HOXA6: variants seen among roughly 807,000 people sequenced by gnomAD.
HOXA6 encodes the protein homeobox A6.
A neutral mutation model predicts 23.2 loss-of-function variants in HOXA6; 19 were observed. The observed-to-expected ratio is 0.82, with a 90% CI of 0.57 to 1.20. HOXA6 has a LOEUF of 1.20. Among genes scored for constraint, HOXA6 ranks in the 50% most tolerant of loss-of-function variants. HOXA6 has a pLI of 0.00. For missense variants in HOXA6, 346 were observed against 313.6 expected, an observed-to-expected ratio of 1.10 and a Z score of -0.78; for synonymous variants, 140 against 132.6, an observed-to-expected ratio of 1.06 and a Z score of -0.38.
rs778231475 is a variant in HOXA6 at position 27,145,935 on chromosome 7, C to T, written c.443-18G>A. ...CACAGCACCTACGAGCAGAAACGGC[C>T]GGGCGCCGGTAAGCCAGGGCCTGGA... On this transcript the variant is annotated intron_variant, in intron 1 of 1. Coordinates refer to ENST00000222728, the MANE Select transcript of HOXA6 (RefSeq NM_024014.4). The T allele has an allele frequency of 4.4e-6, 7 of 1,606,758 alleles. No homozygotes were observed. Among genetic ancestry groups the T allele is most frequent in the African/African-American group, 1.3e-5 (1 of 74,924 alleles).
rs1287321205 is a variant in HOXA6, at chr7:27,145,687, C to A, written c.673G>T (p.Glu225Ter). The A allele has an allele frequency of 6.2e-7, 1 of 1,614,136 alleles. No homozygotes were observed. The highest frequency in any genetic ancestry group is 1.7e-5 in the Admixed American group (1 of 60,026). Reference protein sequence around the residue: ...KLINSTQPSGEDSEAKAGE With the variant: ...KLINSTQPSG Reference sequence around the variant, plus strand: ...TCGCCCGCCTTTGCCTCTGAGTCCTCCCCGCTGGGCTGCGTGGAATTGATG... The same window carrying A: ...TCGCCCGCCTTTGCCTCTGAGTCCTACCCGCTGGGCTGCGTGGAATTGATG... The change falls in exon 2 of 2, where the codon GAG (glutamate) becomes TAG (stop). Residue 225 changes from glutamate to a stop codon, truncating the protein, a stop_gained. Transcript: ENST00000222728. LOFTEE classifies it high-confidence loss of function.
Position 27,145,462 on chromosome 7 carries a change from GT to G in HOXA6, c.*195del. 1 of 659,616 alleles carries G rather than the reference GT, an allele frequency of 1.5e-6. No homozygotes were observed. Among genetic ancestry groups the G allele is most frequent in the South Asian group, 1.9e-5 (1 of 52,792 alleles). 40.9% of individuals were successfully genotyped at this position (659,616 alleles called of 1,614,324 possible). A position where few individuals can be genotyped will look rare whatever the true frequency, so the allele number is the denominator to read the frequency against. On this transcript the variant is annotated 3_prime_UTR_variant, in exon 2 of 2. Transcript: ENST00000222728. ...TGTGTGTGAGGTTTTGTTTTGTTTT[GT>G]TTTGTTTTGTTTTGTTTTGTTTTGT...
chr7:27,147,240 T>A lies in HOXA6; in HGVS notation c.442+68A>T. 4 of 1,398,924 alleles carry A rather than the reference T, an allele frequency of 2.9e-6. No homozygotes were observed. The South Asian group carries it at 5.1e-5, about 18-fold the overall frequency. 86.7% of individuals were successfully genotyped at this position (1,398,924 alleles called of 1,614,324 possible). A position where few individuals can be genotyped will look rare whatever the true frequency, so the allele number is the denominator to read the frequency against. On this transcript the variant is annotated intron_variant, in intron 1 of 1. Coordinates refer to ENST00000222728, the MANE Select transcript of HOXA6 (RefSeq NM_024014.4). ...TCTCTATTCCTCTTTCTACTCTGTT[T>A]CCTCCTTCTTTCTTTCTTTTCCTGC...
In HOXA6 at chr7:27,147,641, G is replaced by A. The variant is rs1157128349; in HGVS notation, c.109C>T (p.Pro37Ser). 4.3e-6 allele frequency: 7 copies of A among 1,614,098 alleles called. No homozygotes were observed. Among genetic ancestry groups the A allele is most frequent in the Non-Finnish European group, 5.9e-6 (7 of 1,180,054 alleles). Residue 37 changes from proline (P) to serine (S), a missense_variant, in exon 1 of 2, where the codon CCC becomes TCC. By Grantham distance (74) the Pro-to-Ser change is moderately conservative. Coordinates refer to ENST00000222728, the MANE Select transcript of HOXA6 (RefSeq NM_024014.4). ...GACGCCCCGTACGAGGCCGGGAAGG[G>A]CCTCAGCGCGTCATAGCCAGCCTGG... ...LYQAGYDALR[P>S]FPASYGASSL...
chr7:27,147,411 G>C lies in HOXA6; in HGVS notation c.339C>G (p.Pro113=), dbSNP rs776052179. ...LHFSPEQQYK[P]DSSSGQGKAL... Reference sequence around the variant, plus strand: ...CTTTGCCCTGCCCGCTGCTGCTGTCGGGTTTGTACTGCTGCTCGGGAGAAA... The same window carrying C: ...CTTTGCCCTGCCCGCTGCTGCTGTCCGGTTTGTACTGCTGCTCGGGAGAAA... Residue 113 remains proline (P), a synonymous_variant, in exon 1 of 2, where the codon CCC becomes CCG. Transcript: ENST00000222728. 3 of 1,614,064 alleles carry C rather than the reference G, an allele frequency of 1.9e-6. No individual in the cohort carries two copies. In the African/African-American group the frequency reaches 4.0e-5, roughly 22 times the overall value.
chr7:27,146,356 C>T (rs1782769142), intron 1 of HOXA6, among the ~76,000 whole-genome samples: 1 of 152,016 alleles, frequency 6.6e-6, no homozygotes. Context: ...CTACTGTGAC[C>T]AGCCATGTCG....
chr7:27,147,310 G>C lies in HOXA6; in HGVS notation c.440C>G (p.Ala147Gly), dbSNP rs1354675182. Reference protein sequence around the residue: ...YPWMQRMNSCAGAVYGSHGRR... With the variant: ...YPWMQRMNSCGGAVYGSHGRR... Reference sequence around the variant, plus strand: ...CACTGTCTTGGGATATGTCTTACCCGCGCAGGAGTTCATCCGCTGCATCCA... The same window carrying C: ...CACTGTCTTGGGATATGTCTTACCCCCGCAGGAGTTCATCCGCTGCATCCA... The change falls in exon 1 of 2, where the codon GCG (alanine) becomes GGG (glycine). Residue 147 changes from alanine to glycine, a missense_variant and splice_region_variant. Physicochemically the swap from Ala to Gly is moderately conservative, Grantham distance 60. Transcript: ENST00000222728. 1 of 1,612,600 alleles carries C rather than the reference G, an allele frequency of 6.2e-7. No homozygotes were observed. Among genetic ancestry groups the C allele is most frequent in the South Asian group, 1.1e-5 (1 of 91,024 alleles).
At position 27,147,661 on chromosome 7, in the gene HOXA6, G is replaced by T. The variant is rs1337732963; in HGVS notation, c.89C>A (p.Ala30Asp). The change falls in exon 1 of 2, where the codon GCT (alanine) becomes GAT (aspartate). Residue 30 changes from alanine (A) to aspartate (D), a missense_variant. Physicochemically the swap from Ala to Asp is moderately radical, Grantham distance 126 (BLOSUM62 -2). Transcript: ENST00000222728. ...GAAGGGCCTCAGCGCGTCATAGCCA[G>T]CCTGGTAGAGGGGCAGCTGGCCCAA... ...SFLGQLPLYQ[A>D]GYDALRPFPA... 6.2e-7 allele frequency: 1 copy of T among 1,614,180 alleles called. No individual in the cohort carries two copies. Among genetic ancestry groups the T allele is most frequent in the Non-Finnish European group, 8.5e-7 (1 of 1,180,050 alleles).
Position 27,145,408 on chromosome 7 carries a change from G to A in HOXA6, c.*250C>T. 1 of 585,584 alleles carries A rather than the reference G, an allele frequency of 1.7e-6. No homozygotes were observed. Among genetic ancestry groups the A allele is most frequent in the Non-Finnish European group, 3.0e-6 (1 of 336,694 alleles). 36.3% of individuals were successfully genotyped at this position (585,584 alleles called of 1,614,324 possible). A position where few individuals can be genotyped will look rare whatever the true frequency, so the allele number is the denominator to read the frequency against. ...TGTGGAGCGGGACTGGGTGTGTGCAGTGCGCCCCGCTCCACCGCTGGTATT... is the reference window on the plus strand; with the variant it reads ...TGTGGAGCGGGACTGGGTGTGTGCAATGCGCCCCGCTCCACCGCTGGTATT... On this transcript the variant is annotated 3_prime_UTR_variant, in exon 2 of 2. Transcript: ENST00000222728.
At chr7:27,147,209 T>C in intron 1 of HOXA6, 99 bp downstream of exon 1, 3 of 1,222,792 alleles carry the variant, frequency 2.5e-6, no homozygotes, top group South Asian at 3.0e-5. Context: ...TTTCATCCTT[T>C]CTTTCTCTCT....
rs974771095 is a variant in HOXA6, at chr7:27,145,629, C to A, written c.*29G>T. 1.9e-6 allele frequency: 3 copies of A among 1,599,120 alleles called. No individual in the cohort carries two copies. In the African/African-American group the frequency reaches 4.0e-5, roughly 21 times the overall value. ...AAGGGGGCAAAGCCGAAGGAGGTTG[C>A]AGCGCTGGCCTGGTCCCTGCCCAGG... On this transcript the variant is annotated 3_prime_UTR_variant, in exon 2 of 2. Coordinates refer to ENST00000222728, the MANE Select transcript of HOXA6 (RefSeq NM_024014.4).
At position 27,145,883 on chromosome 7, in the gene HOXA6, G is replaced by T; in HGVS notation, c.477C>A (p.Arg159=). Residue 159 remains arginine (R), a synonymous_variant, in exon 2 of 2, where the codon CGC becomes CGA. Transcript: ENST00000222728. The part of the protein sequence containing the change: ...AVYGSHGRRG[R]QTYTRYQTLE... ...GTGTCTGGTAGCGCGTGTAGGTCTG[G>T]CGGCCTCGGCGCCCATGGCTCCCAT... The T allele has an allele frequency of 1.2e-6, 2 of 1,614,032 alleles. No individual in the cohort carries two copies. The highest frequency in any genetic ancestry group is 1.7e-6 in the Non-Finnish European group (2 of 1,180,016).
At chr7:27,146,279 G>T (rs2128062295) in intron 1 of HOXA6, among the ~76,000 whole-genome samples, 1 of 151,882 alleles carries the variant, frequency 6.6e-6, no homozygotes, top group East Asian at 1.9e-4. Flanking sequence ...GTGTGTCTGG[G>T]GTGGGTGGTG....
Position 27,147,457 on chromosome 7 carries a change from C to A in HOXA6, c.293G>T (p.Gly98Val), listed in dbSNP as rs779257098. Reference protein sequence around the residue: ...ASPSGSGKQRGPGDYLHFSPE... With the variant: ...ASPSGSGKQRVPGDYLHFSPE... The stretch of plus-strand genomic sequence containing the variant: ...AGAAAAGTGCAGGTAGTCCCCGGGG[C>A]CCCTCTGCTTGCCACTGCCCGAGGG... Residue 98 changes from glycine (G) to valine (V), a missense_variant, in exon 1 of 2, where the codon GGC becomes GTC. Coordinates refer to ENST00000222728, the MANE Select transcript of HOXA6 (RefSeq NM_024014.4). The A allele has an allele frequency of 1.2e-6, 2 of 1,614,210 alleles. No individual in the cohort carries two copies. The highest frequency in any genetic ancestry group is 1.7e-5 in the Admixed American group (1 of 60,028).
chr7:27,147,492 A>G lies in HOXA6; in HGVS notation c.258T>C (p.Ser86=). 6.2e-7 allele frequency: 1 copy of G among 1,614,170 alleles called. No homozygotes were observed. ...TGCCACTGCCCGAGGGCGAGGCGCC[A>G]CTGAGGTCCTTATCAGAATAGAAAC... is the stretch of plus-strand genomic sequence containing the variant. ...ASCFYSDKDL[S]GASPSGSGKQ... is the part of the protein sequence containing the mutation. The change falls in exon 1 of 2, where the codon AGT becomes AGC. Residue 86 remains serine, a synonymous_variant. Coordinates refer to ENST00000222728, the MANE Select transcript of HOXA6 (RefSeq NM_024014.4).
intron 1 of HOXA6, among the ~76,000 whole-genome samples, chr7:27,146,562 C>T (rs964439650): frequency 1.3e-5 from 2 of 152,034 alleles, no homozygotes; most frequent in Non-Finnish European, 2.9e-5. Context: ...TTTGGGATTC[C>T]CTGTGGAGTC....
Position 27,147,700 on chromosome 7 carries a change from C to G in HOXA6, c.50G>C (p.Gly17Ala). The G allele has an allele frequency of 6.2e-7, 1 of 1,613,084 alleles. No homozygotes were observed. Among genetic ancestry groups the G allele is most frequent in the South Asian group, 1.1e-5 (1 of 91,076 alleles). The change falls in exon 1 of 2, where the codon GGC (glycine) becomes GCC (alanine). Residue 17 changes from glycine to alanine, a missense_variant. By Grantham distance (60) the Gly-to-Ala change is moderately conservative (BLOSUM62 0). Transcript: ENST00000222728. ...NPTFPGSLPS[G>A]QDSFLGQLPL... Reference sequence around the variant, plus strand: ...CAGCTGGCCCAAGAAGGAGTCCTGGCCGCTGGGAAGGCTCCCGGGGAAAGT... The same window carrying G: ...CAGCTGGCCCAAGAAGGAGTCCTGGGCGCTGGGAAGGCTCCCGGGGAAAGT...
At chr7:27,147,081 T>C in intron 1 of HOXA6, 2 of 587,120 alleles carry the variant, frequency 3.4e-6, no homozygotes, top group Non-Finnish European at 6.0e-6. Context: ...CATCCTCCCC[T>C]AAGGTGTCAG....
chr7:27,145,790 G>A lies in HOXA6; in HGVS notation c.570C>T (p.Asn190=). ...LTRRRRIEIA[N]ALCLTERQIK... is the part of the protein sequence containing the mutation. Reference sequence around the variant, plus strand: ...TCTGGCGCTCGGTGAGGCAGAGCGCGTTGGCGATCTCGATGCGGCGGCGCC... The same window carrying A: ...TCTGGCGCTCGGTGAGGCAGAGCGCATTGGCGATCTCGATGCGGCGGCGCC... Residue 190 remains asparagine (N), a synonymous_variant, in exon 2 of 2, where the codon AAC becomes AAT. Coordinates refer to ENST00000222728, the MANE Select transcript of HOXA6 (RefSeq NM_024014.4). 2 of 1,614,268 alleles carry A rather than the reference G, an allele frequency of 1.2e-6. No individual in the cohort carries two copies. The highest frequency in any genetic ancestry group is 1.7e-6 in the Non-Finnish European group (2 of 1,180,052).
Sources: allele counts gnomAD v4.1 joint callset (sites outside exome capture counted in the v4.1 genomes callset), GRCh38; gene constraint gnomAD v4.1.1; transcripts MANE v1.5; gene names NCBI Gene and HGNC (gene_info 2026-07-23, HGNC 2026-07-21).